CHN2: variants seen among roughly 807,000 people sequenced by gnomAD.
CHN2 encodes the protein chimerin 2, also known as beta-chimaerin.
In CHN2, 35 loss-of-function variants were observed where a neutral mutation model predicts 56.3. The observed-to-expected ratio is 0.62, with a 90% CI of 0.47 to 0.82. The LOEUF is 0.82. Ranked by LOEUF, CHN2 falls within the 40% of genes least tolerant of loss-of-function variation. The pLI is 0.00. For missense variants in CHN2, 491 were observed against 580.5 expected, an observed-to-expected ratio of 0.85 and a Z score of 1.58; for synonymous variants, 210 against 212.8, an observed-to-expected ratio of 0.99 and a Z score of 0.12.
intron 1 of CHN2, among the ~76,000 whole-genome samples, chr7:29,211,065 T>TGTTG (rs1448277656): frequency 1.0e-5 from 1 of 100,402 alleles, no homozygotes; most frequent in South Asian, 2.9e-4. Context: ...TTTTGTTTTT[T>TGTTG]TTTTTGTTGT....
intron 1 of CHN2, chr7:29,212,898 C>T: frequency 1.9e-6 from 3 of 1,610,762 alleles, no homozygotes; most frequent in Non-Finnish European, 2.5e-6. Context: ...GCAACCAGAC[C>T]TGGAACAATT....
intron 2 of CHN2, among the ~76,000 whole-genome samples, chr7:29,181,933 T>C (rs1562812653): frequency 1.3e-5 from 2 of 152,234 alleles, no homozygotes; most frequent in African/African-American, 4.8e-5. Flanking sequence ...GTTTTACTTA[T>C]CTCTTTTTTG....
intron 6 of CHN2, among the ~76,000 whole-genome samples, chr7:29,416,459 C>T (rs1166530046): frequency 6.6e-6 from 1 of 152,192 alleles, no homozygotes; most frequent in Non-Finnish European, 1.5e-5. Flanking sequence ...AAAAGGGCAG[C>T]AGTGTTGAGG....
chr7:29,324,870 T>G (rs928623448), intron 1 of CHN2, among the ~76,000 whole-genome samples: 6 of 152,196 alleles, frequency 3.9e-5, no homozygotes, highest in Non-Finnish European at 8.8e-5. Context: ...TGCTTTTGAT[T>G]AAATATTCCC....
In CHN2 at chr7:29,507,496, C is replaced by A; in HGVS notation, c.1129+131C>A. On this transcript the variant is annotated intron_variant, in intron 11 of 12. Coordinates refer to ENST00000222792, the MANE Select transcript of CHN2 (RefSeq NM_004067.4). ...CCTGTCTTGTCAAGTGAGGGCACAACAATAAATAGCTGACCAGGCATAGTT... is the reference window on the plus strand; with the variant it reads ...CCTGTCTTGTCAAGTGAGGGCACAAAAATAAATAGCTGACCAGGCATAGTT... The A allele has an allele frequency of 2.3e-5, 16 of 687,046 alleles. No homozygotes were observed. The South Asian group carries it at 2.6e-4, about 11-fold the overall frequency. The allele number at this position is 687,046 out of a possible 1,614,324, so 42.6% of individuals were successfully genotyped here.
intron 1 of CHN2, among the ~76,000 whole-genome samples, chr7:29,311,352 A>T (rs971251171): frequency 1.3e-5 from 2 of 152,132 alleles, no homozygotes; most frequent in African/African-American, 2.4e-5. Context: ...TCCAGAACTG[A>T]TCCTTCTTTA....
intron 6 of CHN2, among the ~76,000 whole-genome samples, chr7:29,476,869 T>A (rs1301285708): frequency 6.6e-6 from 1 of 152,114 alleles, no homozygotes; most frequent in Non-Finnish European, 1.5e-5. Context: ...CCAGTGAGAA[T>A]CCCTGGTTCA....
chr7:29,290,166 C>A (rs889099245), intron 1 of CHN2, among the ~76,000 whole-genome samples: 2 of 152,212 alleles, frequency 1.3e-5, no homozygotes, highest in Non-Finnish European at 2.9e-5. Flanking sequence ...GCACAAGGAC[C>A]GTTTGACCAA....
chr7:29,412,342 TTTTTTTG>T (rs1284270578), intron 6 of CHN2, among the ~76,000 whole-genome samples: 2 of 96,244 alleles, frequency 2.1e-5, no homozygotes, highest in African/African-American at 8.7e-5. Flanking sequence ...TTTTTTTTTT[TTTTTTTG>T]GGAGACGGAG....
intron 6 of CHN2, among the ~76,000 whole-genome samples, chr7:29,452,282 C>G (rs914829410): frequency 1.4e-4 from 21 of 152,166 alleles, no homozygotes; most frequent in African/African-American, 5.1e-4. Context: ...CCATCATCTC[C>G]TGGGTGAGGA....
At chr7:29,296,360 C>T (rs928079899) in intron 1 of CHN2, among the ~76,000 whole-genome samples, 2 of 152,222 alleles carry the variant, frequency 1.3e-5, no homozygotes, top group East Asian at 3.8e-4. Flanking sequence ...GCTGGGATTA[C>T]AGGTGTGAGC....
At chr7:29,447,011 C>T (rs1784078114) in intron 6 of CHN2, among the ~76,000 whole-genome samples, 1 of 152,146 alleles carries the variant, frequency 6.6e-6, no homozygotes, top group Admixed American at 6.5e-5. Context: ...ACTTTAACTG[C>T]ATCCAAAAGC....
At chr7:29,321,418 G>A (rs769457888) in intron 1 of CHN2, among the ~76,000 whole-genome samples, 2 of 152,048 alleles carry the variant, frequency 1.3e-5, no homozygotes, top group African/African-American at 2.4e-5. Context: ...TATGATCCTC[G>A]TTTTATAGAT....
At chr7:29,156,179 T>C (rs933647653) in intron 2 of CHN2, among the ~76,000 whole-genome samples, 1 of 152,136 alleles carries the variant, frequency 6.6e-6, no homozygotes, top group Non-Finnish European at 1.5e-5. Context: ...TATCTTCCAT[T>C]CCCCCACTGG....
chr7:29,370,816 C>T (rs10251873), intron 3 of CHN2, among the ~76,000 whole-genome samples: 4,486 of 152,262 alleles, frequency 0.029, 232 homozygotes, highest in African/African-American at 0.1. Context: ...ACTTAGTAGA[C>T]TTTGCTGCAG....
intron 1 of CHN2, among the ~76,000 whole-genome samples, chr7:29,262,842 G>C (rs1789672466): frequency 6.6e-6 from 1 of 152,198 alleles, no homozygotes; most frequent in Admixed American, 6.5e-5. Context: ...TTAATACCTA[G>C]GTGATGATGG....
At chr7:29,173,944 T>G (rs1217856417) in intron 2 of CHN2, among the ~76,000 whole-genome samples, 3 of 148,464 alleles carry the variant, frequency 2.0e-5, no homozygotes, top group African/African-American at 7.5e-5. Context: ...AGAGGGAGAC[T>G]GACTCAAAAA....
chr7:29,290,605 T>A (rs185531230), intron 1 of CHN2, among the ~76,000 whole-genome samples: 1 of 152,240 alleles, frequency 6.6e-6, no homozygotes. Flanking sequence ...ATGAATAACG[T>A]TTAGTAAGTT....
intron 2 of CHN2, among the ~76,000 whole-genome samples, chr7:29,175,219 G>A (rs1417979686): frequency 6.6e-6 from 1 of 151,264 alleles, no homozygotes; most frequent in Non-Finnish European, 1.5e-5. Flanking sequence ...CTGTCACCCA[G>A]GCTGGAGTGT....
Sources: gnomAD v4.1 joint callset for allele counts (sites outside exome capture counted in the v4.1 genomes callset) on GRCh38, gnomAD v4.1.1 for gene constraint, MANE v1.5 for transcripts, NCBI Gene and HGNC (gene_info 2026-07-23, HGNC 2026-07-21) for gene names.